The following DCLRE1B variants were observed in gnomAD, a reference collection of about 807,000 sequenced individuals.
The protein encoded by DCLRE1B is 5' exonuclease Apollo.
DCLRE1B carries 6 observed loss-of-function variants against 19.8 expected under a neutral mutation model. That is an observed-to-expected ratio of 0.30 (90% CI 0.17 to 0.60). The LOEUF (loss-of-function observed/expected upper bound fraction) is 0.60, where lower values mean the gene tolerates loss of function less well. Among genes scored for constraint, DCLRE1B ranks in the 20% least tolerant of loss-of-function variants. DCLRE1B has a pLI of 0.87. For missense variants in DCLRE1B, 622 were observed against 654.2 expected, an observed-to-expected ratio of 0.95 and a Z score of 0.54; for synonymous variants, 258 against 255.7, an observed-to-expected ratio of 1.01 and a Z score of -0.09.
In DCLRE1B at chr1:113,911,237, C is replaced by T; in HGVS notation, c.645C>T (p.Gly215=). ...PRRLELVQLL[G]LADVFTVEEK... ...GCCTGGAGTTGGTACAGCTACTGGG[C>T]CTGGCAGATGTGTTCACAGTGGAGG... Residue 215 remains glycine (G), a synonymous_variant, in exon 4 of 4, where the codon GGC becomes GGT. Transcript: ENST00000650450. The T allele has an allele frequency of 2.5e-6, 4 of 1,614,082 alleles. No individual in the cohort carries two copies. The highest frequency in any genetic ancestry group is 1.1e-5 in the South Asian group (1 of 91,078).
Position 113,906,521 on chromosome 1 carries a change from C to T in DCLRE1B, c.190-475C>T, listed in dbSNP as rs555674434. 1.2e-3 allele frequency among the ~76,000 whole-genome samples: 185 copies of T among 149,838 alleles called. 6 individuals are homozygous for T. The South Asian group carries it at 0.038, about 31-fold the overall frequency. On this transcript the variant is annotated intron_variant, in intron 1 of 3. Coordinates refer to ENST00000650450, the MANE Select transcript of DCLRE1B (RefSeq NM_022836.4). ...TTTTTTTTTTTTTGAGATGGAGTCT[C>T]GCTCTGTCGCCCAGGCTGGAGTGCA...
intron 2 of DCLRE1B, 102 bp downstream of exon 2, chr1:113,907,263 G>C (rs988750042): frequency 1.6e-5 from 17 of 1,072,712 alleles, no homozygotes; most frequent in Non-Finnish European, 2.1e-5. Context: ...TCGCAGTGTT[G>C]CCGAGGCTGG....
In DCLRE1B at chr1:113,905,682, G is replaced by A; in HGVS notation, c.96G>A (p.Met32Ile). 1 of 1,614,156 alleles carries A rather than the reference G, an allele frequency of 6.2e-7. No individual in the cohort carries two copies. The highest frequency in any genetic ancestry group is 8.5e-7 in the Non-Finnish European group (1 of 1,180,026). Residue 32 changes from methionine to isoleucine, a missense_variant, in exon 1 of 4, where the codon ATG becomes ATA. Physicochemically the swap from Met to Ile is conservative, Grantham distance 10. Transcript: ENST00000650450. ...CACGTCTCTTCTTCTTGTCTCACAT[G>A]CACTCGGACCACACCGTGGGCCTGT... is the stretch of plus-strand genomic sequence containing the variant. ...GTARLFFLSH[M>I]HSDHTVGLSS...
rs974595463 is a variant in DCLRE1B, at chr1:113,911,470, A to G, written c.878A>G (p.Gln293Arg). 3.6e-5 allele frequency: 58 copies of G among 1,614,054 alleles called. No homozygotes were observed. The highest frequency in any genetic ancestry group is 4.9e-5 in the Non-Finnish European group (58 of 1,180,048). The stretch of plus-strand genomic sequence containing the variant: ...TTTGTCGCAGCACTGAAGCCTTGCC[A>G]GGTGGTGCCCATTGTAAGTCGGCGG... The part of the protein sequence containing the change: ...RAFVAALKPC[Q>R]VVPIVSRRPC... The change falls in exon 4 of 4, where the codon CAG becomes CGG. Residue 293 changes from glutamine (Q) to arginine (R), a missense_variant. Around this residue, in one of 3 missense-constraint regions of DCLRE1B, gnomAD observed 382 missense variants for 412.5 expected, o/e 0.93. Transcript: ENST00000650450.
intron 3 of DCLRE1B, among the ~76,000 whole-genome samples, chr1:113,910,287 T>C (rs1669205354): frequency 6.6e-6 from 1 of 152,216 alleles, no homozygotes; most frequent in South Asian, 2.1e-4. Context: ...TAGCGGTACA[T>C]ATAAGACGCT....
At position 113,905,515 on chromosome 1, in the gene DCLRE1B, C is replaced by A. The variant is rs1262113096; in HGVS notation, c.-72C>A. 3 of 1,503,994 alleles carry A rather than the reference C, an allele frequency of 2.0e-6. No individual in the cohort carries two copies. The highest frequency in any genetic ancestry group is 2.7e-6 in the Non-Finnish European group (3 of 1,093,956). The allele number at this position is 1,503,994 out of a possible 1,614,324, so 93.2% of individuals were successfully genotyped here. A position where few individuals can be genotyped will look rare whatever the true frequency, so the allele number is the denominator to read the frequency against. On this transcript the variant is annotated 5_prime_UTR_variant, in exon 1 of 4. Transcript: ENST00000650450. ...CCCAGCATGACTTTTATCGGGACGC[C>A]GTTGTGGAAGCCTCACGCAGGAGCC...
rs574323645 is a variant in DCLRE1B, at chr1:113,911,345, G to C, written c.753G>C (p.Thr251=). 41 of 1,614,098 alleles carry C rather than the reference G, an allele frequency of 2.5e-5. 2 individuals are homozygous for C. Among genetic ancestry groups the C allele is most frequent in the Middle Eastern group, 3.3e-4 (2 of 6,062 alleles). The change falls in exon 4 of 4, where the codon ACG becomes ACC. Residue 251 remains threonine, a synonymous_variant. Transcript: ENST00000650450. ...TGCGTTGGAACCAGACCCACCCTAC[G>C]ATTGCTATCCTTCCCACAAGCCGAA... ...NMLRWNQTHP[T]IAILPTSRKI...
intron 3 of DCLRE1B, among the ~76,000 whole-genome samples, chr1:113,908,648 A>G (rs1669131987): frequency 6.6e-6 from 1 of 152,166 alleles, no homozygotes; most frequent in South Asian, 2.1e-4. Flanking sequence ...TAAAACTGCA[A>G]CCTGCCCACC....
chr1:113,909,216 A>G (rs1330403285), intron 3 of DCLRE1B, among the ~76,000 whole-genome samples: 1 of 152,232 alleles, frequency 6.6e-6, no homozygotes, highest in Non-Finnish European at 1.5e-5. Flanking sequence ...TTATCAGAAC[A>G]TAGATATTTA....
At chr1:113,904,738 A>G, upstream of DCLRE1B, 1 of 1,592,666 alleles carries the variant, frequency 6.3e-7, no homozygotes, top group Non-Finnish European at 8.6e-7. Context: ...GTCACAGGGC[A>G]GCTCCCACAG....
At position 113,913,039 on chromosome 1, in the gene DCLRE1B, A is replaced by G. The variant is rs1464407487; in HGVS notation, c.*848A>G. The stretch of plus-strand genomic sequence containing the variant: ...GTCAGATATTCCTCCAATTGTTCAC[A>G]TAGCTGGGATATTTGTTGCTCCCCT... On this transcript the variant is annotated 3_prime_UTR_variant, in exon 4 of 4. Transcript: ENST00000650450. The G allele has an allele frequency of 6.5e-6, 1 of 152,842 alleles. No individual in the cohort carries two copies. Among genetic ancestry groups the G allele is most frequent in the Non-Finnish European group, 1.5e-5 (1 of 68,060 alleles). The allele number at this position is 152,842 out of a possible 1,614,324, so 9.5% of individuals were successfully genotyped here. A position where few individuals can be genotyped will look rare whatever the true frequency, so the allele number is the denominator to read the frequency against.
chr1:113,911,381 C>T lies in DCLRE1B; in HGVS notation c.789C>T (p.Ser263=). ...AILPTSRKIH[S]SHPDIHVIPY... ...TTCCCACAAGCCGAAAAATCCACAG[C>T]TCCCACCCTGATATCCACGTCATCC... Residue 263 remains serine, a synonymous_variant, in exon 4 of 4, where the codon AGC becomes AGT. Coordinates refer to ENST00000650450, the MANE Select transcript of DCLRE1B (RefSeq NM_022836.4). The T allele has an allele frequency of 6.2e-7, 1 of 1,614,222 alleles. No homozygotes were observed. The highest frequency in any genetic ancestry group is 8.5e-7 in the Non-Finnish European group (1 of 1,180,042).
At chr1:113,905,164 T>C, upstream of DCLRE1B, 1 of 334,896 alleles carries the variant, frequency 3.0e-6, no homozygotes, top group South Asian at 2.8e-5. Context: ...CCGCTGCCGG[T>C]CTCCCCGCGA....
At position 113,905,657 on chromosome 1, in the gene DCLRE1B, C is replaced by G; in HGVS notation, c.71C>G (p.Ala24Gly). ...TGGAGCCTGCGCCGGGCTGGCACCG[C>G]ACGTCTCTTCTTCTTGTCTCACATG... The part of the protein sequence containing the change: ...DFWSLRRAGT[A>G]RLFFLSHMHS... The change falls in exon 1 of 4, where the codon GCA becomes GGA. Residue 24 changes from alanine to glycine, a missense_variant. Transcript: ENST00000650450. The G allele has an allele frequency of 6.2e-7, 1 of 1,614,226 alleles. No homozygotes were observed. Among genetic ancestry groups the G allele is most frequent in the Non-Finnish European group, 8.5e-7 (1 of 1,180,048 alleles).
At position 113,911,763 on chromosome 1, in the gene DCLRE1B, C is replaced by T; in HGVS notation, c.1171C>T (p.His391Tyr). Residue 391 changes from histidine (H) to tyrosine (Y), a missense_variant, in exon 4 of 4, where the codon CAC (histidine) becomes TAC (tyrosine). His to Tyr is a moderately conservative substitution (Grantham distance 83, BLOSUM62 2). Transcript: ENST00000650450. ...WPADLEKQPSHHPLRIKKQLF... is the reference protein window; with the variant it reads ...WPADLEKQPSYHPLRIKKQLF... ...TGCGGACCTTGAAAAGCAGCCTTCC[C>T]ACCATCCTTTGCGGATCAAGAAGCA... is the stretch of plus-strand genomic sequence containing the variant. 1.2e-6 allele frequency: 2 copies of T among 1,614,192 alleles called. No individual in the cohort carries two copies. The highest frequency in any genetic ancestry group is 1.7e-6 in the Non-Finnish European group (2 of 1,180,042).
Position 113,911,385 on chromosome 1 carries a change from C to T in DCLRE1B, c.793C>T (p.His265Tyr), listed in dbSNP as rs761360122. Residue 265 changes from histidine to tyrosine, a missense_variant, in exon 4 of 4, where the codon CAC becomes TAC. His to Tyr is a moderately conservative substitution (Grantham distance 83). This residue lies in a region of DCLRE1B where 382 missense variants were observed against 412.5 expected (regional missense o/e 0.93). Transcript: ENST00000650450. Reference protein sequence around the residue: ...LPTSRKIHSSHPDIHVIPYSD... With the variant: ...LPTSRKIHSSYPDIHVIPYSD... Reference sequence around the variant, plus strand: ...CACAAGCCGAAAAATCCACAGCTCCCACCCTGATATCCACGTCATCCCTTA... The same window carrying T: ...CACAAGCCGAAAAATCCACAGCTCCTACCCTGATATCCACGTCATCCCTTA... 1.2e-6 allele frequency: 2 copies of T among 1,614,188 alleles called. No homozygotes were observed. The highest frequency in any genetic ancestry group is 2.2e-5 in the South Asian group (2 of 91,082).
chr1:113,910,488 C>A (rs1192984662), intron 3 of DCLRE1B, among the ~76,000 whole-genome samples: 2 of 152,068 alleles, frequency 1.3e-5, no homozygotes, highest in Non-Finnish European at 2.9e-5. Context: ...CTGTTAGATA[C>A]AATACTGTAT....
chr1:113,913,540 C>A lies in DCLRE1B; in HGVS notation c.*1349C>A, dbSNP rs772765241. 3.3e-5 allele frequency: 5 copies of A among 152,652 alleles called. No homozygotes were observed. The highest frequency in any genetic ancestry group is 5.9e-5 in the Non-Finnish European group (4 of 68,038). 9.5% of individuals were successfully genotyped at this position (152,652 alleles called of 1,614,324 possible). On this transcript the variant is annotated 3_prime_UTR_variant, in exon 4 of 4. Coordinates refer to ENST00000650450, the MANE Select transcript of DCLRE1B (RefSeq NM_022836.4). ...AGGAAACATGGGGACTGCCTAGGCT[C>A]GAATCTGTGGCACCCTGAGCAATTA...
Position 113,907,035 on chromosome 1 carries a change from A to G in DCLRE1B, c.229A>G (p.Ser77Gly), listed in dbSNP as rs1669044595. ...QWIQALEVGE[S>G]HVLPLDEIGQ... ...GATCCAAGCCCTGGAGGTTGGTGAGAGCCATGTATTACCCCTAGATGAAAT... is the reference window on the plus strand; with the variant it reads ...GATCCAAGCCCTGGAGGTTGGTGAGGGCCATGTATTACCCCTAGATGAAAT... Residue 77 changes from serine to glycine, a missense_variant, in exon 2 of 4, where the codon AGC (serine) becomes GGC (glycine). This residue lies in a region of DCLRE1B where 237 missense variants were observed against 223.8 expected (regional missense o/e 1.06). Coordinates refer to ENST00000650450, the MANE Select transcript of DCLRE1B (RefSeq NM_022836.4). The G allele has an allele frequency of 6.2e-7, 1 of 1,613,720 alleles. No individual in the cohort carries two copies. The highest frequency in any genetic ancestry group is 8.5e-7 in the Non-Finnish European group (1 of 1,179,980).
Sources: allele counts gnomAD v4.1 joint callset (sites outside exome capture counted in the v4.1 genomes callset), GRCh38; gene constraint gnomAD v4.1.1; regional missense constraint gnomAD v4.1.1; transcripts MANE v1.5; gene names NCBI Gene and HGNC (gene_info 2026-07-23, HGNC 2026-07-21).